CAMK4: variants seen among roughly 807,000 people sequenced by gnomAD.
CAMK4 encodes the protein calcium/calmodulin-dependent protein kinase type IV.
Under a neutral mutation model 44.9 loss-of-function variants are expected in CAMK4, and 22 were observed. The ratio of observed to expected loss-of-function variants is 0.49; its 90% CI spans 0.35 to 0.70. The LOEUF is 0.70. Among genes scored for constraint, CAMK4 ranks in the 30% least tolerant of loss-of-function variants. The pLI, the probability that CAMK4 is intolerant of heterozygous loss-of-function variation, is 0.01. For synonymous variants in CAMK4, 218 were observed against 215.4 expected (o/e 1.01, Z -0.11); for missense variants, 498 against 586.8 (o/e 0.85, Z 1.56).
chr5:111,229,395 AG>A (rs941216790), intron 1 of CAMK4, among the ~76,000 whole-genome samples: 17 of 152,310 alleles, frequency 1.1e-4, no homozygotes, highest in African/African-American at 4.1e-4. Context: ...TCCCACGATG[AG>A]GGGTTTAGCT....
Position 111,492,854 on chromosome 5 carries a change from T to TA in CAMK4, c.*8389dup, listed in dbSNP as rs1361895089. 6.6e-6 allele frequency: 1 copy of TA among 152,192 alleles called. No homozygotes were observed. Among genetic ancestry groups the TA allele is most frequent in the African/African-American group, 2.4e-5 (1 of 41,460 alleles). The allele number at this position is 152,192 out of a possible 1,614,324, so 9.4% of individuals were successfully genotyped here. A position where few individuals can be genotyped will look rare whatever the true frequency, so the allele number is the denominator to read the frequency against. On this transcript the variant is annotated 3_prime_UTR_variant, in exon 11 of 11. Coordinates refer to ENST00000282356, the MANE Select transcript of CAMK4 (RefSeq NM_001744.6). ...GTACATATATAACCTATGCTGCATT[T>TA]AGGCAGATGATAAGCCCTAGGAATG... is the stretch of plus-strand genomic sequence containing the variant.
intron 1 of CAMK4, among the ~76,000 whole-genome samples, chr5:111,242,824 C>T (rs1427457615): frequency 1.4e-5 from 2 of 144,864 alleles, no homozygotes; most frequent in African/African-American, 2.6e-5. Context: ...CCAAACCGCG[C>T]CCCCTCACTC....
chr5:111,368,326 G>A (rs1211859838), intron 2 of CAMK4, among the ~76,000 whole-genome samples: 1 of 152,082 alleles, frequency 6.6e-6, no homozygotes, highest in Non-Finnish European at 1.5e-5. Flanking sequence ...TTGCTTGACA[G>A]TTATTTTCTA....
intron 1 of CAMK4, among the ~76,000 whole-genome samples, chr5:111,295,022 A>G (rs1747427378): frequency 6.6e-6 from 1 of 152,220 alleles, no homozygotes; most frequent in South Asian, 2.1e-4. Flanking sequence ...ATTTTATTTT[A>G]GAAATATGTG....
At chr5:111,310,366 A>T (rs534873228) in intron 1 of CAMK4, among the ~76,000 whole-genome samples, 1 of 152,230 alleles carries the variant, frequency 6.6e-6, no homozygotes, top group Non-Finnish European at 1.5e-5. Context: ...ATTGTGCTAC[A>T]TCGTGAGTAA....
chr5:111,224,507 C>T lies in CAMK4; in HGVS notation c.24C>T (p.Ser8=). The T allele has an allele frequency of 6.2e-7, 1 of 1,610,022 alleles. No individual in the cohort carries two copies. MLKVTVP[S]CSASSCSSVT... is the part of the protein sequence containing the mutation. ...AGATGCTCAAAGTCACGGTGCCCTC[C>T]TGCTCCGCCTCGTCCTGCTCTTCGG... The change falls in exon 1 of 11, where the codon TCC becomes TCT. Residue 8 remains serine, a synonymous_variant. Coordinates refer to ENST00000282356, the MANE Select transcript of CAMK4 (RefSeq NM_001744.6). The surrounding 1 kb of genome is among the most constrained non-coding windows in gnomAD (Gnocchi z 5.7).
chr5:111,489,690 C>T lies in CAMK4; in HGVS notation c.*5224C>T, dbSNP rs551946531. ...TCTAGAGAAGACTCCAGGCATCTAC[C>T]TGGTTGAGCTCAAATGAGGCAAGTG... is the stretch of plus-strand genomic sequence containing the variant. On this transcript the variant is annotated 3_prime_UTR_variant, in exon 11 of 11. Transcript: ENST00000282356. 14 of 152,328 alleles carry T rather than the reference C, an allele frequency of 9.2e-5. No individual in the cohort carries two copies. The highest frequency in any genetic ancestry group is 3.1e-4 in the African/African-American group (13 of 41,564). The allele number at this position is 152,328 out of a possible 1,614,324, so 9.4% of individuals were successfully genotyped here. A position where few individuals can be genotyped will look rare whatever the true frequency, so the allele number is the denominator to read the frequency against.
At chr5:111,380,612 G>A (rs1057246462) in intron 4 of CAMK4, among the ~76,000 whole-genome samples, 1 of 152,154 alleles carries the variant, frequency 6.6e-6, no homozygotes, top group Non-Finnish European at 1.5e-5. Flanking sequence ...AGAACATGCG[G>A]TATTTGGTTT....
At chr5:111,298,726 T>C (rs1203059380) in intron 1 of CAMK4, among the ~76,000 whole-genome samples, 2 of 152,242 alleles carry the variant, frequency 1.3e-5, no homozygotes, top group Non-Finnish European at 2.9e-5. Flanking sequence ...GAATTACACC[T>C]GCATGGCGCT....
chr5:111,390,805 C>T lies in CAMK4; in HGVS notation c.387-3905C>T, dbSNP rs372911702. Among the ~76,000 whole-genome samples, 7 of 152,172 alleles carry T rather than the reference C, an allele frequency of 4.6e-5. No individual in the cohort carries two copies. In the East Asian group the frequency reaches 7.7e-4, roughly 17 times the overall value. ...AATATCTACAGCAAAACCAGGTGGC[C>T]GGGTATCCCCATGAAGCCTAACATA... is the stretch of plus-strand genomic sequence containing the variant. On this transcript the variant is annotated intron_variant, in intron 4 of 10. Transcript: ENST00000282356.
chr5:111,354,757 G>A (rs142263446), intron 2 of CAMK4, among the ~76,000 whole-genome samples: 69 of 152,110 alleles, frequency 4.5e-4, no homozygotes, highest in African/African-American at 1.6e-3. Context: ...CCAAGAGGAG[G>A]AAGCTTATGT....
At chr5:111,253,374 C>T (rs1286762034) in intron 1 of CAMK4, among the ~76,000 whole-genome samples, 12 of 152,176 alleles carry the variant, frequency 7.9e-5, no homozygotes, top group Admixed American at 5.9e-4. Context: ...CTGCTTGCCC[C>T]GGAACCTGGG....
intron 7 of CAMK4, among the ~76,000 whole-genome samples, chr5:111,456,162 A>G (rs1249005764): frequency 1.3e-5 from 2 of 152,050 alleles, no homozygotes; most frequent in South Asian, 2.1e-4. Flanking sequence ...AAATTACTAC[A>G]TCTCTGCCAC....
chr5:111,269,507 T>C (rs906015866), intron 1 of CAMK4, among the ~76,000 whole-genome samples: 2 of 152,150 alleles, frequency 1.3e-5, no homozygotes, highest in African/African-American at 4.8e-5. Context: ...TGCTGTGCAG[T>C]GGCTGGTCTG....
At chr5:111,240,239 C>A (rs1255835287) in intron 1 of CAMK4, among the ~76,000 whole-genome samples, 3 of 151,276 alleles carry the variant, frequency 2.0e-5, no homozygotes, top group African/African-American at 7.3e-5. Context: ...AGTTAAATAA[C>A]CAAACCCAGA....
intron 4 of CAMK4, among the ~76,000 whole-genome samples, chr5:111,388,792 A>C (rs901017371): frequency 1.3e-5 from 2 of 152,320 alleles, no homozygotes; most frequent in South Asian, 4.1e-4. Context: ...TAGCAGATAC[A>C]TCTGTTGGAA....
chr5:111,248,527 A>AG (rs939896780), intron 1 of CAMK4, among the ~76,000 whole-genome samples: 2 of 151,806 alleles, frequency 1.3e-5, no homozygotes, highest in Non-Finnish European at 2.9e-5. Context: ...ATGAAAAAAA[A>AG]AAACAGGACA....
intron 1 of CAMK4, among the ~76,000 whole-genome samples, chr5:111,288,712 T>C (rs752627292): frequency 6.6e-6 from 1 of 152,238 alleles, no homozygotes; most frequent in Non-Finnish European, 1.5e-5. Context: ...ATATATGCTA[T>C]TCCTGTACTA....
chr5:111,373,358 C>A (rs306065), intron 2 of CAMK4, among the ~76,000 whole-genome samples: 133,645 of 152,104 alleles, frequency 0.88, 58,920 homozygotes, highest in East Asian at 1. Flanking sequence ...AGAAATGGTG[C>A]GTGCTTTCTT....
Sources: allele counts gnomAD v4.1 joint callset (sites outside exome capture counted in the v4.1 genomes callset), GRCh38; gene constraint gnomAD v4.1.1; non-coding constraint Gnocchi (gnomAD v3.1); transcripts MANE v1.5; gene names NCBI Gene and HGNC (gene_info 2026-07-23, HGNC 2026-07-21).